ACBD6: variants seen among roughly 807,000 people sequenced by gnomAD.
The protein encoded by ACBD6 is acyl-CoA-binding domain-containing protein 6.
In ACBD6, 28 loss-of-function variants were observed where a neutral mutation model predicts 37.2. The observed-to-expected ratio is 0.75, with a 90% CI of 0.56 to 1.03. The LOEUF (loss-of-function observed/expected upper bound fraction) is 1.03. ACBD6 is among the 50% of genes least tolerant of loss of function. The pLI is 0.00. For missense variants in ACBD6, 340 were observed against 337.4 expected, an observed-to-expected ratio of 1.01 and a Z score of -0.06; for synonymous variants, 113 against 126.8, an observed-to-expected ratio of 0.89 and a Z score of 0.73.
At chr1:180,467,472 A>AAAAAAAAAAAAAAAAAAC (rs370655998) in intron 3 of ACBD6, among the ~76,000 whole-genome samples, 2 of 114,544 alleles carry the variant, frequency 1.7e-5, no homozygotes, top group Admixed American at 1.0e-4. Flanking sequence ...AAAAAAAAAA[A>AAAAAAAAAAAAAAAAAAC]CAAAAACAAA....
chr1:180,408,658 T>TA (rs1428299603), intron 5 of ACBD6, among the ~76,000 whole-genome samples: 2 of 151,966 alleles, frequency 1.3e-5, no homozygotes, highest in East Asian at 1.9e-4. Context: ...CCCTAAAACT[T>TA]AAAGTATAAT....
chr1:180,353,615 A>T (rs1252496616), intron 6 of ACBD6, among the ~76,000 whole-genome samples: 1 of 151,808 alleles, frequency 6.6e-6, no homozygotes, highest in African/African-American at 2.4e-5. Flanking sequence ...CATTCCTCGG[A>T]GAAATATATT....
At chr1:180,499,568 A>T (rs1651870134) in intron 1 of ACBD6, among the ~76,000 whole-genome samples, 1 of 152,200 alleles carries the variant, frequency 6.6e-6, no homozygotes, top group African/African-American at 2.4e-5. Context: ...TGACACCAAT[A>T]TCAATAAACA....
At chr1:180,316,681 C>G (rs1441793812) in intron 6 of ACBD6, among the ~76,000 whole-genome samples, 3 of 152,062 alleles carry the variant, frequency 2.0e-5, no homozygotes, top group Admixed American at 1.3e-4. Context: ...CCAGTGAATA[C>G]TAAATCTATA....
chr1:180,458,092 G>A (rs574232033), intron 3 of ACBD6, among the ~76,000 whole-genome samples: 12 of 151,928 alleles, frequency 7.9e-5, no homozygotes, highest in Non-Finnish European at 1.6e-4. Flanking sequence ...CACCATGCCC[G>A]GCCAAAAATT....
chr1:180,482,509 T>TAA (rs11377292), intron 3 of ACBD6, among the ~76,000 whole-genome samples: 32 of 140,378 alleles, frequency 2.3e-4, no homozygotes, highest in South Asian at 6.8e-4. Context: ...TCTAAGAAGT[T>TAA]AAAAAAAAAA....
intron 6 of ACBD6, among the ~76,000 whole-genome samples, chr1:180,318,600 T>C (rs1650927447): frequency 6.6e-6 from 1 of 152,186 alleles, no homozygotes; most frequent in Non-Finnish European, 1.5e-5. Flanking sequence ...GATCACTTAG[T>C]TGACTTCTTA....
chr1:180,375,223 T>C (rs1653389766), intron 6 of ACBD6, among the ~76,000 whole-genome samples: 1 of 152,190 alleles, frequency 6.6e-6, no homozygotes, highest in African/African-American at 2.4e-5. Flanking sequence ...ATTAAAATAA[T>C]GTACATGCAC....
intron 3 of ACBD6, chr1:180,435,984 G>A: frequency 1.0e-6 from 1 of 986,488 alleles, no homozygotes; most frequent in East Asian, 2.4e-5. Flanking sequence ...CTATTTTGCA[G>A]CATAGCTACC....
chr1:180,427,728 C>G (rs1488688128), intron 4 of ACBD6, among the ~76,000 whole-genome samples: 1 of 152,022 alleles, frequency 6.6e-6, no homozygotes, highest in Admixed American at 6.6e-5. Flanking sequence ...TCGAGACCAT[C>G]CTGGCTAATA....
intron 5 of ACBD6, among the ~76,000 whole-genome samples, chr1:180,409,472 T>C (rs993530972): frequency 6.6e-6 from 1 of 152,218 alleles, no homozygotes; most frequent in Non-Finnish European, 1.5e-5. Context: ...TTAAGCCAAC[T>C]ATTGGTGCCA....
intron 7 of ACBD6, among the ~76,000 whole-genome samples, chr1:180,301,045 G>C (rs1004859471): frequency 3.3e-5 from 5 of 152,128 alleles, no homozygotes; most frequent in Non-Finnish European, 7.4e-5. Context: ...ACCCTGTCAA[G>C]GTAACATCTC....
intron 5 of ACBD6, among the ~76,000 whole-genome samples, chr1:180,411,388 A>G: frequency 6.6e-6 from 1 of 152,186 alleles, no homozygotes; most frequent in East Asian, 1.9e-4. Context: ...GTAATCTTTT[A>G]CGAAGGAAGA....
At chr1:180,423,633 T>G (rs1648464746) in intron 4 of ACBD6, among the ~76,000 whole-genome samples, 1 of 152,210 alleles carries the variant, frequency 6.6e-6, no homozygotes, top group Non-Finnish European at 1.5e-5. Flanking sequence ...ACCCAGATAT[T>G]TCTTACAGAT....
intron 6 of ACBD6, among the ~76,000 whole-genome samples, chr1:180,381,562 G>C (rs140307099): frequency 3.4e-4 from 51 of 152,108 alleles, no homozygotes; most frequent in Middle Eastern, 3.4e-3. Flanking sequence ...ATAACAACAG[G>C]AACTTTGGAA....
rs191511732 is a variant in ACBD6 at position 180,449,952 on chromosome 1, G to A, written c.385-19690C>T. On this transcript the variant is annotated intron_variant, in intron 3 of 7. Coordinates refer to ENST00000367595, the MANE Select transcript of ACBD6 (RefSeq NM_032360.4). ...AAAAAAGCATGCTAATCTAATTTCC[G>A]GATGACAGGGTCAATGAAAGACAGT... is the stretch of plus-strand genomic sequence containing the variant. Among the ~76,000 whole-genome samples the A allele has an allele frequency of 5.4e-3, 793 of 146,480 alleles. 6 individuals carry two copies. Among genetic ancestry groups the A allele is most frequent in the African/African-American group, 0.019 (738 of 39,492 alleles).
At chr1:180,456,360 G>T (rs114444605) in intron 3 of ACBD6, among the ~76,000 whole-genome samples, 401 of 152,256 alleles carry the variant, frequency 2.6e-3, no homozygotes, top group African/African-American at 9.4e-3. Flanking sequence ...CCCAGGGAAA[G>T]AAACTTGGGC....
At chr1:180,284,095 GC>G (rs935136785), downstream of ACBD6, among the ~76,000 whole-genome samples, 3 of 152,128 alleles carry the variant, frequency 2.0e-5, no homozygotes, top group African/African-American at 4.8e-5. Flanking sequence ...AGGTTAAATA[GC>G]TTTACCTGTT....
chr1:180,447,921 A>C (rs1479103691), intron 3 of ACBD6, among the ~76,000 whole-genome samples: 1 of 152,112 alleles, frequency 6.6e-6, no homozygotes, highest in Non-Finnish European at 1.5e-5. Context: ...AATCATTAAG[A>C]CCCAATGGAT....
Sources: gnomAD v4.1 joint callset for allele counts (sites outside exome capture counted in the v4.1 genomes callset) on GRCh38, gnomAD v4.1.1 for gene constraint, MANE v1.5 for transcripts, NCBI Gene and HGNC (gene_info 2026-07-23, HGNC 2026-07-21) for gene names.